Variants in CFAP58 observed in about 807,000 individuals in gnomAD.
The protein encoded by CFAP58 is cilia- and flagella-associated protein 58.
CFAP58 carries 88 observed loss-of-function variants against 119.5 expected under a neutral mutation model. The observed-to-expected ratio is 0.74, with a 90% confidence interval of 0.62 to 0.88. The LOEUF is 0.88. Among genes scored for constraint, CFAP58 ranks in the 40% least tolerant of loss-of-function variants. The pLI is 0.00. For synonymous variants in CFAP58, 365 were observed against 366.3 expected (o/e 1.00, Z 0.04); for missense variants, 990 against 1,021.2 (o/e 0.97, Z 0.42).
chr10:104,369,263 C>A (rs990538234), intron 6 of CFAP58, among the ~76,000 whole-genome samples: 1 of 152,114 alleles, frequency 6.6e-6, no homozygotes, highest in East Asian at 1.9e-4. Flanking sequence ...GGCAGAGAAC[C>A]ATAACATTTT....
At chr10:104,417,949 G>A (rs2133064072) in intron 15 of CFAP58, among the ~76,000 whole-genome samples, 1 of 152,228 alleles carries the variant, frequency 6.6e-6, no homozygotes, top group East Asian at 1.9e-4. Flanking sequence ...GGCTGTATCT[G>A]GCCTACCACC....
Position 104,361,085 on chromosome 10 carries a change from T to C in CFAP58, c.292-938T>C, listed in dbSNP as rs146784487. On this transcript the variant is annotated intron_variant, in intron 2 of 17. Transcript: ENST00000369704. ...CTCCCACCAGGCCCCACCTCCAACA[T>C]TGGGGATTACATTTCAATATGAGAT... 1.2e-3 allele frequency among the ~76,000 whole-genome samples: 189 copies of C among 152,268 alleles called. 1 individual carries two copies. The highest frequency in any genetic ancestry group is 4.4e-3 in the African/African-American group (184 of 41,554).
chr10:104,412,134 T>C, intron 15 of CFAP58, among the ~76,000 whole-genome samples: 1 of 152,214 alleles, frequency 6.6e-6, no homozygotes, highest in Non-Finnish European at 1.5e-5. Context: ...GCATGTCTAA[T>C]GCTTTGTGGA....
At chr10:104,425,216 T>A (rs1230989680) in intron 15 of CFAP58, among the ~76,000 whole-genome samples, 1 of 152,106 alleles carries the variant, frequency 6.6e-6, no homozygotes, top group East Asian at 1.9e-4. Context: ...ATGGGCAGAA[T>A]AATAGAATGC....
intron 6 of CFAP58, among the ~76,000 whole-genome samples, chr10:104,370,077 T>A (rs1010961250): frequency 1.3e-5 from 2 of 152,128 alleles, no homozygotes; most frequent in Admixed American, 1.3e-4. Context: ...GGACCCCTTC[T>A]CTAGTGTATA....
rs1368645466 is a variant in CFAP58, at chr10:104,368,571, A to G, written c.930+11A>G. 1.2e-6 allele frequency: 2 copies of G among 1,613,606 alleles called. No individual in the cohort carries two copies. The highest frequency in any genetic ancestry group is 1.3e-5 in the African/African-American group (1 of 75,020). On this transcript the variant is annotated intron_variant, in intron 6 of 17. Transcript: ENST00000369704. ...GCGTTGGAGCTCAAAGTAAACACCAAGTTACATGTCTGTTCCCTAGCTCTT... is the reference window on the plus strand; with the variant it reads ...GCGTTGGAGCTCAAAGTAAACACCAGGTTACATGTCTGTTCCCTAGCTCTT...
At chr10:104,419,595 T>C (rs1441058721) in intron 15 of CFAP58, among the ~76,000 whole-genome samples, 1 of 152,126 alleles carries the variant, frequency 6.6e-6, no homozygotes, top group Admixed American at 6.6e-5. Context: ...AATTCCTTTT[T>C]TGAGATGACA....
chr10:104,350,590 G>T (rs6584596), upstream of CFAP58, among the ~76,000 whole-genome samples: 2 of 152,012 alleles, frequency 1.3e-5, no homozygotes, highest in African/African-American at 4.8e-5. Flanking sequence ...TGATTGCTCA[G>T]TCATATTTGG....
chr10:104,338,594 C>T, the CFAP58 span, among the ~76,000 whole-genome samples: 1 of 152,204 alleles, frequency 6.6e-6, no homozygotes, highest in African/African-American at 2.4e-5. Context: ...GGAAGACCTT[C>T]CCAGTGAGCC....
intron 13 of CFAP58, among the ~76,000 whole-genome samples, chr10:104,403,511 C>CTTTTTTTT (rs572839157): frequency 7.5e-6 from 1 of 133,140 alleles, no homozygotes. Flanking sequence ...AGCCCTGGCA[C>CTTTTTTTT]TTTTTTTTTT....
the CFAP58 span, among the ~76,000 whole-genome samples, chr10:104,343,537 A>G: frequency 1.1e-4 from 17 of 152,244 alleles, no homozygotes; most frequent in African/African-American, 3.9e-4. Flanking sequence ...GATTTTTGAA[A>G]ATACATTTTA....
the CFAP58 span, among the ~76,000 whole-genome samples, chr10:104,345,254 A>G: frequency 0.025 from 3,834 of 152,148 alleles, 65 homozygotes; most frequent in African/African-American, 0.038. Flanking sequence ...TTTTTTGAGT[A>G]CTGATTGTGT....
intron 15 of CFAP58, among the ~76,000 whole-genome samples, chr10:104,429,659 G>A (rs139081544): frequency 1.3e-5 from 2 of 152,168 alleles, no homozygotes; most frequent in African/African-American, 2.4e-5. Context: ...ATTCTGCTAG[G>A]TCTCACCCAA....
At chr10:104,341,468 T>C in the CFAP58 span, among the ~76,000 whole-genome samples, 1 of 151,548 alleles carries the variant, frequency 6.6e-6, no homozygotes, top group East Asian at 1.9e-4. Flanking sequence ...CATAGGACTA[T>C]GAAAAAAGAA....
chr10:104,450,307 TA>T, intron 17 of CFAP58, 103 bp downstream of exon 17: 1 of 1,177,786 alleles, frequency 8.5e-7, no homozygotes, highest in Non-Finnish European at 1.2e-6. Context: ...TGGGGTAAAC[TA>T]AATCACAGGG....
intron 2 of CFAP58, among the ~76,000 whole-genome samples, chr10:104,360,731 G>T (rs1182360088): frequency 6.6e-6 from 1 of 152,090 alleles, no homozygotes; most frequent in Non-Finnish European, 1.5e-5. Context: ...AGAACATGTG[G>T]TATTTGGTTG....
chr10:104,414,073 T>G (rs2012505748), intron 15 of CFAP58, among the ~76,000 whole-genome samples: 3 of 151,790 alleles, frequency 2.0e-5, no homozygotes, highest in African/African-American at 7.3e-5. Flanking sequence ...CCAAAGGGAG[T>G]GGTGGGGATT....
rs1173450956 is a variant in CFAP58 at position 104,380,055 on chromosome 10, C to G, written c.1200C>G (p.Thr400=). ...NKNMLKAVNA[T]QKQTDLVKLH... is the part of the protein sequence containing the mutation. ...ACATGCTTAAGGCGGTCAATGCGAC[C>G]CAGAAGCAGACAGACTTGGTAAAGC... Residue 400 remains threonine, a synonymous_variant, in exon 9 of 18, where the codon ACC becomes ACG. Coordinates refer to ENST00000369704, the MANE Select transcript of CFAP58 (RefSeq NM_001008723.2). 4 of 1,613,876 alleles carry G rather than the reference C, an allele frequency of 2.5e-6. No individual in the cohort carries two copies. In the African/African-American group the frequency reaches 4.0e-5, roughly 16 times the overall value.
intron 15 of CFAP58, among the ~76,000 whole-genome samples, chr10:104,413,259 T>C (rs2012489459): frequency 6.6e-6 from 1 of 152,196 alleles, no homozygotes. Flanking sequence ...GAGTCTGGAA[T>C]TTACTGTGGG....
Sources: gnomAD v4.1 joint callset for allele counts (sites outside exome capture counted in the v4.1 genomes callset) on GRCh38, gnomAD v4.1.1 for gene constraint, MANE v1.5 for transcripts, NCBI Gene and HGNC (gene_info 2026-07-23, HGNC 2026-07-21) for gene names.